SLC9A9: variants seen among roughly 807,000 people sequenced by gnomAD.
The protein encoded by SLC9A9 is solute carrier family 9 member A9, also known as sodium/hydrogen exchanger 9.
A neutral mutation model predicts 77.8 loss-of-function variants in SLC9A9; 62 were observed. That is an observed-to-expected ratio of 0.80 (90% confidence interval 0.65 to 0.98). SLC9A9 has a LOEUF of 0.98. Ranked by LOEUF, SLC9A9 falls within the 50% of genes least tolerant of loss-of-function variation. SLC9A9 has a pLI of 0.00. For synonymous variants in SLC9A9, 320 were observed against 283.5 expected (o/e 1.13, Z -1.29); for missense variants, 775 against 774.9 (o/e 1.00, Z 0.00).
At chr3:143,334,702 C>A (rs1245293698) in intron 14 of SLC9A9, among the ~76,000 whole-genome samples, 2 of 152,130 alleles carry the variant, frequency 1.3e-5, no homozygotes, top group African/African-American at 4.8e-5. Context: ...TGACCTGAGT[C>A]ATTTTTTGTT....
intron 4 of SLC9A9, among the ~76,000 whole-genome samples, chr3:143,759,623 G>C (rs2007047253): frequency 6.6e-6 from 1 of 151,624 alleles, no homozygotes; most frequent in Non-Finnish European, 1.5e-5. Flanking sequence ...GATGCAATGA[G>C]ACCTCCTCTA....
intron 6 of SLC9A9, among the ~76,000 whole-genome samples, chr3:143,591,800 G>T (rs6796090): frequency 0.095 from 14,504 of 152,212 alleles, 1,261 homozygotes; most frequent in African/African-American, 0.23. Flanking sequence ...CCAAGAGGAT[G>T]GTTTTTACAT....
intron 12 of SLC9A9, among the ~76,000 whole-genome samples, chr3:143,416,920 G>C (rs1317847594): frequency 1.3e-5 from 2 of 152,186 alleles, no homozygotes; most frequent in African/African-American, 4.8e-5. Flanking sequence ...ATAGGAGCTA[G>C]ACTGAAAAGA....
intron 6 of SLC9A9, among the ~76,000 whole-genome samples, chr3:143,649,497 A>G (rs2038762783): frequency 6.6e-6 from 1 of 152,182 alleles, no homozygotes; most frequent in African/African-American, 2.4e-5. Flanking sequence ...ATCAAATTTA[A>G]TTATGTTAGG....
At chr3:143,571,017 A>T (rs149720196) in intron 8 of SLC9A9, among the ~76,000 whole-genome samples, 2,712 of 152,294 alleles carry the variant, frequency 0.018, 41 homozygotes, top group South Asian at 0.059. Context: ...TTTCAAATAG[A>T]ATTGTATGTG....
Position 143,400,006 on chromosome 3 carries a change from G to A in SLC9A9, c.1470-17892C>T, listed in dbSNP as rs112347634. On this transcript the variant is annotated intron_variant, in intron 12 of 15. Coordinates refer to ENST00000316549, the MANE Select transcript of SLC9A9 (RefSeq NM_173653.4). ...GTGAGTTTCATCAAACCTAGATGTA[G>A]TTCATGATAAGGCATACTATTACTT... Among the ~76,000 whole-genome samples the A allele has an allele frequency of 3.7e-3, 563 of 152,272 alleles. 4 individuals are homozygous for A. The highest frequency in any genetic ancestry group is 0.013 in the African/African-American group (536 of 41,556).
intron 6 of SLC9A9, among the ~76,000 whole-genome samples, chr3:143,633,052 T>C (rs142458012): frequency 4.3e-4 from 65 of 152,340 alleles, no homozygotes; most frequent in African/African-American, 1.5e-3. Flanking sequence ...GTCACACAAA[T>C]ACCTTATGCC....
chr3:143,382,602 A>T (rs562769575), intron 12 of SLC9A9, among the ~76,000 whole-genome samples: 2 of 152,166 alleles, frequency 1.3e-5, no homozygotes, highest in African/African-American at 2.4e-5. Context: ...GGCATATACA[A>T]TTTGGGGGCT....
chr3:143,455,634 G>T (rs1220053492), intron 12 of SLC9A9, among the ~76,000 whole-genome samples: 1 of 152,080 alleles, frequency 6.6e-6, no homozygotes, highest in Non-Finnish European at 1.5e-5. Flanking sequence ...CATGTGGTTT[G>T]TTAGGTTTAG....
chr3:143,548,682 T>A (rs188970440), intron 9 of SLC9A9, among the ~76,000 whole-genome samples: 9 of 152,280 alleles, frequency 5.9e-5, no homozygotes, highest in African/African-American at 1.7e-4. Flanking sequence ...GCCTAACACA[T>A]AGCGATGTTA....
At chr3:143,329,335 A>T (rs2031696656) in intron 14 of SLC9A9, among the ~76,000 whole-genome samples, 1 of 152,212 alleles carries the variant, frequency 6.6e-6, no homozygotes, top group South Asian at 2.1e-4. Context: ...CCAGGGGCTG[A>T]CCAGAGTACT....
chr3:143,462,191 A>C (rs2035205473), intron 12 of SLC9A9, among the ~76,000 whole-genome samples: 1 of 152,056 alleles, frequency 6.6e-6, no homozygotes, highest in African/African-American at 2.4e-5. Flanking sequence ...ATGTAATGAG[A>C]CCTCATCTCT....
chr3:143,494,545 A>T (rs1474528543), intron 10 of SLC9A9, among the ~76,000 whole-genome samples: 1 of 152,262 alleles, frequency 6.6e-6, no homozygotes, highest in Admixed American at 6.5e-5. Flanking sequence ...AACACAGTTT[A>T]TAGAGAGGGA....
At chr3:143,376,639 G>A (rs1243115739) in intron 13 of SLC9A9, among the ~76,000 whole-genome samples, 2 of 151,998 alleles carry the variant, frequency 1.3e-5, no homozygotes, top group African/African-American at 4.8e-5. Context: ...GTACTTGCAG[G>A]AACTACCGGT....
In SLC9A9 at chr3:143,265,630, G is replaced by A. The variant is rs1937685317; in HGVS notation, c.*1072C>T. Reference sequence around the variant, plus strand: ...TTATGGCTTAAAAGGCACAGGTCATGCAGCTGAATTAAAAGCTATCATGTT... The same window carrying A: ...TTATGGCTTAAAAGGCACAGGTCATACAGCTGAATTAAAAGCTATCATGTT... On this transcript the variant is annotated 3_prime_UTR_variant, in exon 16 of 16. Coordinates refer to ENST00000316549, the MANE Select transcript of SLC9A9 (RefSeq NM_173653.4). 1.1e-5 allele frequency: 4 copies of A among 370,220 alleles called. No individual in the cohort carries two copies. The highest frequency in any genetic ancestry group is 1.9e-5 in the Non-Finnish European group (4 of 208,742). The allele number at this position is 370,220 out of a possible 1,614,324, so 22.9% of individuals were successfully genotyped here.
intron 12 of SLC9A9, among the ~76,000 whole-genome samples, chr3:143,395,200 A>T (rs1217875108): frequency 6.6e-6 from 1 of 152,218 alleles, no homozygotes; most frequent in Non-Finnish European, 1.5e-5. Context: ...TTCAAACTAT[A>T]CTATAAGGCT....
chr3:143,291,781 A>G (rs888887534), intron 14 of SLC9A9, among the ~76,000 whole-genome samples: 1 of 152,204 alleles, frequency 6.6e-6, no homozygotes. Flanking sequence ...AATTGATTAC[A>G]TGTTACAGAA....
intron 12 of SLC9A9, among the ~76,000 whole-genome samples, chr3:143,453,827 C>T (rs1021582547): frequency 6.6e-6 from 1 of 152,030 alleles, no homozygotes; most frequent in African/African-American, 2.4e-5. Flanking sequence ...GTTTTTTGTC[C>T]CCTCCAAATT....
chr3:143,287,587 C>A (rs1212786675), intron 14 of SLC9A9, among the ~76,000 whole-genome samples: 1 of 152,124 alleles, frequency 6.6e-6, no homozygotes, highest in Non-Finnish European at 1.5e-5. Context: ...GTTTCTTTGC[C>A]CACACAATGA....
Sources: allele counts gnomAD v4.1 joint callset (sites outside exome capture counted in the v4.1 genomes callset), GRCh38; gene constraint gnomAD v4.1.1; transcripts MANE v1.5; gene names NCBI Gene and HGNC (gene_info 2026-07-23, HGNC 2026-07-21).